Variants in CDC42BPB observed in about 807,000 individuals in gnomAD.
CDC42BPB encodes serine/threonine-protein kinase MRCK beta.
In CDC42BPB, 37 loss-of-function variants were observed where a neutral mutation model predicts 214.9. The ratio of observed to expected loss-of-function variants is 0.17; its 90% confidence interval spans 0.13 to 0.23. The LOEUF is 0.23. Among genes scored for constraint, CDC42BPB ranks in the 10% least tolerant of loss-of-function variants. CDC42BPB has a pLI of 1.00. For synonymous variants in CDC42BPB, 931 were observed against 884.0 expected (o/e 1.05, Z -0.94); for missense variants, 1,694 against 2,227.0 (o/e 0.76, Z 4.82).
chr14:102,961,305 C>T (rs553116794), intron 20 of CDC42BPB, among the ~76,000 whole-genome samples: 13 of 152,032 alleles, frequency 8.6e-5, no homozygotes, highest in African/African-American at 3.1e-4. Context: ...AGACTGAAAA[C>T]TTGACACACA....
chr14:102,933,896 C>T, intron 36 of CDC42BPB, 53 bp from the exon 37 acceptor site: 1 of 1,463,360 alleles, frequency 6.8e-7, no homozygotes. Flanking sequence ...CCTGGGGAGG[C>T]ACGCGTGCCC....
At position 102,942,023 on chromosome 14, in the gene CDC42BPB, A is replaced by G. The variant is rs34302079; in HGVS notation, c.4409-1699T>C. Among the ~76,000 whole-genome samples, 576 of 152,384 alleles carry G rather than the reference A, an allele frequency of 3.8e-3. 7 individuals are homozygous for G. The highest frequency in any genetic ancestry group is 0.013 in the African/African-American group (560 of 41,596). On this transcript the variant is annotated intron_variant, in intron 30 of 36. Transcript: ENST00000361246. ...ACGCCAGACACGTGTGGCCAAGATT[A>G]TAAATACATTGCACTAAGTGACCTG...
intron 28 of CDC42BPB, among the ~76,000 whole-genome samples, chr14:102,946,147 T>C (rs1410483354): frequency 2.6e-5 from 4 of 152,270 alleles, no homozygotes; most frequent in African/African-American, 7.2e-5. Flanking sequence ...TAGCTGGGAC[T>C]ACAGGTGCCC....
chr14:102,970,170 C>T lies in CDC42BPB; in HGVS notation c.1976G>A (p.Ser659Asn), dbSNP rs559189691. ...CACTACCTTGAGGGCCTCCAGCTCG[C>T]TTTCCATTTGCTTGCAGAAGTTCTC... ...HSENFCKQME[S>N]ELEALKVKQG... Residue 659 changes from serine (S) to asparagine (N), a missense_variant, in exon 14 of 37, where the codon AGC becomes AAC. Physicochemically the swap from Ser to Asn is conservative, Grantham distance 46. Transcript: ENST00000361246. The T allele has an allele frequency of 2.5e-6, 4 of 1,613,484 alleles. No homozygotes were observed. Among genetic ancestry groups the T allele is most frequent in the South Asian group, 2.2e-5 (2 of 90,936 alleles).
At chr14:102,990,298 G>C (rs911635581) in intron 5 of CDC42BPB, among the ~76,000 whole-genome samples, 1 of 152,206 alleles carries the variant, frequency 6.6e-6, no homozygotes, top group Non-Finnish European at 1.5e-5. Flanking sequence ...CACAGAACTT[G>C]AATTACTGCA....
chr14:103,007,450 A>G (rs1885897031), intron 3 of CDC42BPB, among the ~76,000 whole-genome samples: 1 of 152,224 alleles, frequency 6.6e-6, no homozygotes, highest in Non-Finnish European at 1.5e-5. Context: ...GCACAGGCAC[A>G]AATTCCAGGA....
chr14:102,945,576 C>G, intron 29 of CDC42BPB, 86 bp downstream of exon 29: 1 of 1,246,302 alleles, frequency 8.0e-7, no homozygotes, highest in Non-Finnish European at 1.2e-6. Flanking sequence ...TTTGTCTTAA[C>G]CCTTAGGAGC....
chr14:103,034,818 C>CAA (rs573894825), intron 1 of CDC42BPB, among the ~76,000 whole-genome samples: 3 of 62,834 alleles, frequency 4.8e-5, no homozygotes, highest in Non-Finnish European at 7.1e-5. Flanking sequence ...ACTCCGTCTC[C>CAA]AAAAAAAAAA....
Position 103,019,774 on chromosome 14 carries a change from G to T in CDC42BPB, c.176-7586C>A, listed in dbSNP as rs35871528. Reference sequence around the variant, plus strand: ...TCAATCTCTTCATTCCTCCTACCCCGAACTGTCCCCTAAAGAACTTCTCTT... The same window carrying T: ...TCAATCTCTTCATTCCTCCTACCCCTAACTGTCCCCTAAAGAACTTCTCTT... On this transcript the variant is annotated intron_variant, in intron 1 of 36. Transcript: ENST00000361246. Among the ~76,000 whole-genome samples, 1,379 of 152,100 alleles carry T rather than the reference G, an allele frequency of 9.1e-3. 22 individuals are homozygous for T. The highest frequency in any genetic ancestry group is 0.031 in the African/African-American group (1,298 of 41,468).
At chr14:102,952,159 A>G (rs749127797) in intron 24 of CDC42BPB, among the ~76,000 whole-genome samples, 15 of 152,110 alleles carry the variant, frequency 9.9e-5, no homozygotes, top group Non-Finnish European at 1.9e-4. Context: ...CCGGTCTGGG[A>G]AACAAAGTGA....
intron 13 of CDC42BPB, among the ~76,000 whole-genome samples, chr14:102,971,496 G>T (rs1893471928): frequency 6.6e-6 from 1 of 152,180 alleles, no homozygotes; most frequent in Admixed American, 6.5e-5. Flanking sequence ...TTGCCATGTT[G>T]CTCAGGCTGG....
intron 4 of CDC42BPB, 51 bp from the exon 5 acceptor site, chr14:102,999,764 A>C (rs767265049): frequency 2.5e-6 from 4 of 1,606,784 alleles, no homozygotes; most frequent in Non-Finnish European, 3.4e-6. Context: ...GTCACCACTA[A>C]ACCTGACAGT....
At chr14:103,009,344 G>A (rs1886025501) in intron 2 of CDC42BPB, among the ~76,000 whole-genome samples, 1 of 152,222 alleles carries the variant, frequency 6.6e-6, no homozygotes, top group Non-Finnish European at 1.5e-5. Context: ...CAGAGACGGT[G>A]TTGAGCCGCG....
chr14:102,981,148 G>A (rs1321441193), intron 7 of CDC42BPB, 127 bp from the exon 8 acceptor site: 7 of 1,471,542 alleles, frequency 4.8e-6, no homozygotes, highest in Non-Finnish European at 6.3e-6. Flanking sequence ...GGAACTAAAT[G>A]CAATCCAAAG....
intron 24 of CDC42BPB, among the ~76,000 whole-genome samples, chr14:102,952,018 C>T (rs1226031613): frequency 1.3e-5 from 2 of 152,078 alleles, no homozygotes; most frequent in Non-Finnish European, 2.9e-5. Flanking sequence ...AGCAGGGATC[C>T]ACGGTTCCAC....
At chr14:102,990,143 A>G (rs1024376002) in intron 5 of CDC42BPB, among the ~76,000 whole-genome samples, 10 of 152,210 alleles carry the variant, frequency 6.6e-5, no homozygotes, top group African/African-American at 2.4e-4. Context: ...AAACTCAATC[A>G]ACAAAGGCGG....
chr14:102,954,684 C>G lies in CDC42BPB; in HGVS notation c.2906G>C (p.Ser969Thr), dbSNP rs556232471. The G allele has an allele frequency of 3.1e-6, 5 of 1,613,306 alleles. No homozygotes were observed. Among genetic ancestry groups the G allele is most frequent in the African/African-American group, 1.3e-5 (1 of 74,918 alleles). ...TTGTGTTTCTTGCTCACTAGCTGAG[C>G]TGGTCTGTGAGAACCAAGAAAGAAA... ...PLAHDLTFRT[S>T]SASEQETQAP... Residue 969 changes from serine (S) to threonine (T), a missense_variant, in exon 22 of 37, where the codon AGC (serine) becomes ACC (threonine). By Grantham distance (58) the Ser-to-Thr change is moderately conservative (BLOSUM62 1). Around this residue, in one of 7 missense-constraint regions of CDC42BPB, gnomAD observed 156 missense variants for 154.5 expected, o/e 1.01. Transcript: ENST00000361246.
At chr14:102,980,508 G>A (rs1274320723) in intron 8 of CDC42BPB, among the ~76,000 whole-genome samples, 2 of 152,026 alleles carry the variant, frequency 1.3e-5, no homozygotes, top group Non-Finnish European at 2.9e-5. Flanking sequence ...AAAGTATCAA[G>A]TACTGTGAAA....
At position 102,975,895 on chromosome 14, in the gene CDC42BPB, T is replaced by A. The variant is rs750461988; in HGVS notation, c.1375A>T (p.Arg459Trp). The A allele has an allele frequency of 6.2e-7, 1 of 1,614,064 alleles. No individual in the cohort carries two copies. Among genetic ancestry groups the A allele is most frequent in the Admixed American group, 1.7e-5 (1 of 60,012 alleles). The change falls in exon 10 of 37, where the codon AGG (arginine) becomes TGG (tryptophan). Residue 459 changes from arginine to tryptophan, a missense_variant. Transcript: ENST00000361246. ...GCGCTGCCCTCACCTTGCAGCTTCC[T>A]GCTCAGCTCCAGCTTCTCCTGTTCC... Reference protein sequence around the residue: ...RLEQEKLELSRKLQESTQTVQ... With the variant: ...RLEQEKLELSWKLQESTQTVQ...
Sources: gnomAD v4.1 joint callset for allele counts (sites outside exome capture counted in the v4.1 genomes callset) on GRCh38, gnomAD v4.1.1 for gene constraint, gnomAD v4.1.1 regional missense constraint, MANE v1.5 for transcripts, NCBI Gene and HGNC (gene_info 2026-07-23, HGNC 2026-07-21) for gene names.